Variants in RALGAPA2 observed in about 807,000 individuals in gnomAD.
The protein encoded by RALGAPA2 is ral GTPase-activating protein subunit alpha-2.
A neutral mutation model predicts 230.4 loss-of-function variants in RALGAPA2; 139 were observed. The observed-to-expected ratio is 0.60, with a 90% CI of 0.53 to 0.69. RALGAPA2 has a LOEUF of 0.69. Ranked by LOEUF, RALGAPA2 falls within the 30% of genes least tolerant of loss-of-function variation. The pLI is 0.00. For synonymous variants in RALGAPA2, 847 were observed against 837.8 expected (o/e 1.01, Z -0.19); for missense variants, 2,163 against 2,276.0 (o/e 0.95, Z 1.01).
intron 23 of RALGAPA2, among the ~76,000 whole-genome samples, chr20:20,550,779 A>G (rs1192807302): frequency 6.6e-6 from 1 of 152,256 alleles, no homozygotes; most frequent in Non-Finnish European, 1.5e-5. Flanking sequence ...ATAGGAGATA[A>G]GAACATATGC....
chr20:20,423,376 C>T (rs2060317255), intron 37 of RALGAPA2, among the ~76,000 whole-genome samples: 1 of 152,038 alleles, frequency 6.6e-6, no homozygotes, highest in Non-Finnish European at 1.5e-5. Flanking sequence ...AGGGAACCAC[C>T]CCCACCCCCA....
At chr20:20,467,841 T>G (rs2061453765) in intron 37 of RALGAPA2, among the ~76,000 whole-genome samples, 1 of 152,170 alleles carries the variant, frequency 6.6e-6, no homozygotes, top group Non-Finnish European at 1.5e-5. Flanking sequence ...TTTTTCTTTC[T>G]CAGAGGAATA....
chr20:20,532,339 A>G (rs1191026457), intron 26 of RALGAPA2, among the ~76,000 whole-genome samples: 1 of 152,252 alleles, frequency 6.6e-6, no homozygotes, highest in Non-Finnish European at 1.5e-5. Flanking sequence ...AAAGCCGACC[A>G]TGCCATATAC....
At position 20,712,106 on chromosome 20, in the gene RALGAPA2, G is replaced by A. The variant is rs1475113609; in HGVS notation, c.106+269C>T. On this transcript the variant is annotated intron_variant, in intron 1 of 39. Transcript: ENST00000202677. The surrounding 1 kb of genome is among the most constrained non-coding windows in gnomAD (Gnocchi z 5.5). ...ACAGGGGACAGGTACCTCTGTGCCC[G>A]GCCTCCAGGTTCTCCGGGAGCGCAG... Among the ~76,000 whole-genome samples the A allele has an allele frequency of 1.3e-5, 2 of 152,258 alleles. No individual in the cohort carries two copies. Among genetic ancestry groups the A allele is most frequent in the South Asian group, 4.2e-4 (2 of 4,812 alleles).
Position 20,605,370 on chromosome 20 carries a change from T to C in RALGAPA2, c.1843A>G (p.Ile615Val), listed in dbSNP as rs753059563. Residue 615 changes from isoleucine (I) to valine (V), a missense_variant, in exon 15 of 40, where the codon ATT becomes GTT. By Grantham distance (29) the Ile-to-Val change is conservative. Transcript: ENST00000202677. Reference protein sequence around the residue: ...AWIRANLCVYISRELWDDFLG... With the variant: ...AWIRANLCVYVSRELWDDFLG... The stretch of plus-strand genomic sequence containing the variant: ...AAGTCATCCCAGAGCTCTCGAGAAA[T>C]GTACACACAGAGGTTTGCTCGGATC... The C allele has an allele frequency of 2.0e-5, 32 of 1,613,722 alleles. 1 individual carries two copies. The South Asian group carries it at 3.4e-4, about 17-fold the overall frequency.
At chr20:20,656,707 A>C (rs1361329661) in intron 3 of RALGAPA2, among the ~76,000 whole-genome samples, 1 of 152,250 alleles carries the variant, frequency 6.6e-6, no homozygotes, top group Non-Finnish European at 1.5e-5. Flanking sequence ...ATAAGAACCC[A>C]CGTGAGCATT....
chr20:20,627,012 T>A (rs898832202), intron 10 of RALGAPA2, among the ~76,000 whole-genome samples: 1 of 152,194 alleles, frequency 6.6e-6, no homozygotes, highest in Non-Finnish European at 1.5e-5. Flanking sequence ...ACCTTTCACA[T>A]GTACAACAGG....
Position 20,524,841 on chromosome 20 carries a change from T to G in RALGAPA2, c.3751A>C (p.Thr1251Pro), listed in dbSNP as rs1422678621. 6.2e-7 allele frequency: 1 copy of G among 1,603,974 alleles called. No individual in the cohort carries two copies. The highest frequency in any genetic ancestry group is 2.2e-5 in the East Asian group (1 of 44,806). ...AATGTGCCACCTACCTTCTTGTCTGTTTCCACTGAGGAGTACTCTGCACTT... is the reference window on the plus strand; with the variant it reads ...AATGTGCCACCTACCTTCTTGTCTGGTTCCACTGAGGAGTACTCTGCACTT... Reference protein sequence around the residue: ...LPSAEYSSVETDKKFIVSLLL... With the variant: ...LPSAEYSSVEPDKKFIVSLLL... Residue 1251 changes from threonine (T) to proline (P), a missense_variant, in exon 29 of 40, where the codon ACA becomes CCA. Coordinates refer to ENST00000202677, the MANE Select transcript of RALGAPA2 (RefSeq NM_020343.4).
chr20:20,441,049 C>T (rs546700617), intron 37 of RALGAPA2, among the ~76,000 whole-genome samples: 26 of 152,360 alleles, frequency 1.7e-4, no homozygotes, highest in African/African-American at 5.3e-4. Context: ...TGGCCAAATG[C>T]TTCTTCGGAA....
At chr20:20,441,633 T>C (rs976574531) in intron 37 of RALGAPA2, among the ~76,000 whole-genome samples, 3 of 152,210 alleles carry the variant, frequency 2.0e-5, no homozygotes, top group African/African-American at 7.2e-5. Flanking sequence ...TTGCCCATGG[T>C]TGGAGCACTG....
chr20:20,512,669 T>C lies in RALGAPA2; in HGVS notation c.4700A>G (p.Gln1567Arg). 6.2e-7 allele frequency: 1 copy of C among 1,614,040 alleles called. No individual in the cohort carries two copies. The highest frequency in any genetic ancestry group is 8.5e-7 in the Non-Finnish European group (1 of 1,179,896). The change falls in exon 32 of 40, where the codon CAA becomes CGA. Residue 1567 changes from glutamine (Q) to arginine (R), a missense_variant. Coordinates refer to ENST00000202677, the MANE Select transcript of RALGAPA2 (RefSeq NM_020343.4). Reference protein sequence around the residue: ...EKEIIEVILRQNAQEDEYIQS... With the variant: ...EKEIIEVILRRNAQEDEYIQS... ...GATATACTCATCCTCTTGAGCATTTTGGCGCAAAATGACCTCAATGATTTC... is the reference window on the plus strand; with the variant it reads ...GATATACTCATCCTCTTGAGCATTTCGGCGCAAAATGACCTCAATGATTTC...
At chr20:20,430,793 G>T (rs2060485150) in intron 37 of RALGAPA2, among the ~76,000 whole-genome samples, 1 of 152,168 alleles carries the variant, frequency 6.6e-6, no homozygotes, top group African/African-American at 2.4e-5. Flanking sequence ...GGATCACCTG[G>T]TCTCAGTATA....
At chr20:20,527,770 C>G (rs2063255027) in intron 27 of RALGAPA2, among the ~76,000 whole-genome samples, 1 of 152,124 alleles carries the variant, frequency 6.6e-6, no homozygotes, top group Admixed American at 6.5e-5. Context: ...CTAGCATGGC[C>G]CCCTTAAGGA....
At chr20:20,614,029 C>T (rs2066058218) in intron 13 of RALGAPA2, among the ~76,000 whole-genome samples, 1 of 152,100 alleles carries the variant, frequency 6.6e-6, no homozygotes, top group African/African-American at 2.4e-5. Flanking sequence ...ACTATATTCT[C>T]ACAGTAGAAG....
chr20:20,448,774 T>A (rs531093211), intron 37 of RALGAPA2, among the ~76,000 whole-genome samples: 2 of 151,936 alleles, frequency 1.3e-5, no homozygotes, highest in South Asian at 4.2e-4. Flanking sequence ...TTTAAAAAAA[T>A]GTTAATCTTT....
At chr20:20,553,496 G>A (rs936125841) in intron 23 of RALGAPA2, among the ~76,000 whole-genome samples, 3 of 152,074 alleles carry the variant, frequency 2.0e-5, no homozygotes, top group Non-Finnish European at 4.4e-5. Flanking sequence ...AGGCTGCAAT[G>A]AGCTGTAATT....
chr20:20,638,081 G>A (rs1418003058), intron 7 of RALGAPA2, among the ~76,000 whole-genome samples: 3 of 152,190 alleles, frequency 2.0e-5, no homozygotes, highest in Non-Finnish European at 4.4e-5. Context: ...GTTTCATTGT[G>A]TTGAGATAAT....
In RALGAPA2 at chr20:20,434,036, G is replaced by A. The variant is rs2060554808; in HGVS notation, c.5496-21888C>T. On this transcript the variant is annotated intron_variant, in intron 37 of 39. Coordinates refer to ENST00000202677, the MANE Select transcript of RALGAPA2 (RefSeq NM_020343.4). ...CTGTAGTAGGGAGGAAGAGGGAGAAGGGGTGGTGATGTACTGGGAAGTCCA... is the reference window on the plus strand; with the variant it reads ...CTGTAGTAGGGAGGAAGAGGGAGAAAGGGTGGTGATGTACTGGGAAGTCCA... 2.0e-5 allele frequency among the ~76,000 whole-genome samples: 3 copies of A among 152,214 alleles called. No individual in the cohort carries two copies. The South Asian group carries it at 6.2e-4, about 32-fold the overall frequency.
chr20:20,463,983 A>C (rs2061359866), intron 37 of RALGAPA2, among the ~76,000 whole-genome samples: 1 of 152,212 alleles, frequency 6.6e-6, no homozygotes, highest in South Asian at 2.1e-4. Flanking sequence ...TTACGGTGCA[A>C]ACCCGAGATT....
Sources: allele counts gnomAD v4.1 joint callset (sites outside exome capture counted in the v4.1 genomes callset), GRCh38; gene constraint gnomAD v4.1.1; non-coding constraint Gnocchi (gnomAD v3.1); transcripts MANE v1.5; gene names NCBI Gene and HGNC (gene_info 2026-07-23, HGNC 2026-07-21).